Variants in CIROZ observed in about 807,000 individuals in gnomAD.
CIROZ encodes the protein ciliated left-right organizer ZP-N domains-containing protein.
At chr1:10,960,276 C>T in the CIROZ span, among the ~76,000 whole-genome samples, 8 of 152,086 alleles carry the variant, frequency 5.3e-5, no homozygotes, top group African/African-American at 1.4e-4. This position sits in a 1 kb window ranked among gnomAD's most constrained non-coding sequence, Gnocchi z 4.6. Context: ...TGGTGGCAGG[C>T]GCCTGTAGTC....
At chr1:10,963,996 T>C in the CIROZ span, 1 of 1,136,170 alleles carries the variant, frequency 8.8e-7, no homozygotes. Context: ...CCATACTGCA[T>C]CTGCAGCTAC....
chr1:10,964,110 A>T, the CIROZ span: 1 of 1,609,930 alleles, frequency 6.2e-7, no homozygotes. Flanking sequence ...CACCTCCCAG[A>T]CCCCCCGAAC....
chr1:10,966,516 G>C, the CIROZ span: 2 of 1,498,482 alleles, frequency 1.3e-6, no homozygotes, highest in South Asian at 1.3e-5. Flanking sequence ...CGTGGGTTGA[G>C]CCTGTGGAGG....
At chr1:10,966,071 G>A in the CIROZ span, among the ~76,000 whole-genome samples, 1 of 152,176 alleles carries the variant, frequency 6.6e-6, no homozygotes, top group Admixed American at 6.5e-5. Flanking sequence ...GATATGGTGT[G>A]TGAGTGGGCA....
At chr1:10,978,093 C>G in the CIROZ span, among the ~76,000 whole-genome samples, 1 of 150,884 alleles carries the variant, frequency 6.6e-6, no homozygotes, top group African/African-American at 2.4e-5. Context: ...CGCTTGAACC[C>G]GAGAGGCGGA....
At chr1:10,979,214 G>A in the CIROZ span, among the ~76,000 whole-genome samples, 149 of 152,178 alleles carry the variant, frequency 9.8e-4, no homozygotes, top group African/African-American at 3.3e-3. Flanking sequence ...GGCTGGTCTT[G>A]AGCTCCTGGC....
the CIROZ span, among the ~76,000 whole-genome samples, chr1:10,969,144 A>G: frequency 6.6e-6 from 1 of 152,090 alleles, no homozygotes; most frequent in South Asian, 2.1e-4. Context: ...CAGGGTCCCT[A>G]GGAGGTTTTC....
chr1:10,977,250 GAGGCGGGCAGATCACCTGAGAT>G, the CIROZ span, among the ~76,000 whole-genome samples: 134 of 152,196 alleles, frequency 8.8e-4, no homozygotes, highest in African/African-American at 3.2e-3. Flanking sequence ...TTGGGAGGCC[GAGGCGGGCAGATCACCTGAGAT>G]CAGGAGTTCA....
chr1:10,948,908 G>A, the CIROZ span: 24 of 1,412,446 alleles, frequency 1.7e-5, no homozygotes, highest in African/African-American at 2.8e-4. Context: ...GGCTCCGGCT[G>A]CCCTGAGAAT....
At chr1:10,949,575 C>G in the CIROZ span, 1 of 1,559,216 alleles carries the variant, frequency 6.4e-7, no homozygotes, top group Non-Finnish European at 8.7e-7. Flanking sequence ...TCTTGGGGAC[C>G]AGACTCTTTG....
At chr1:10,949,628 G>A in the CIROZ span, 1 of 1,601,466 alleles carries the variant, frequency 6.2e-7, no homozygotes. Context: ...ACGTGCTTTG[G>A]CCAGTGCGTC....
chr1:10,964,156 C>A, the CIROZ span: 1 of 1,614,100 alleles, frequency 6.2e-7, no homozygotes. Context: ...ACAGTGGACG[C>A]TTTCCTGGCC....
chr1:10,960,999 G>GC, the CIROZ span, among the ~76,000 whole-genome samples: 6,163 of 151,906 alleles, frequency 0.041, 176 homozygotes, highest in Non-Finnish European at 0.061. The surrounding 1 kb of genome is among the most constrained non-coding windows in gnomAD (Gnocchi z 4.6). Flanking sequence ...CGGATGCAGA[G>GC]CCCCCCCCAC....
At chr1:10,969,523 CAG>C in the CIROZ span, among the ~76,000 whole-genome samples, 1 of 152,158 alleles carries the variant, frequency 6.6e-6, no homozygotes, top group South Asian at 2.1e-4. Context: ...TCCACTTTTG[CAG>C]AGTGATTTCG....
At chr1:10,962,315 T>A in the CIROZ span, among the ~76,000 whole-genome samples, 2 of 151,904 alleles carry the variant, frequency 1.3e-5, no homozygotes, top group Non-Finnish European at 2.9e-5. Context: ...AGTATGGTAA[T>A]GCATGCCTGT....
the CIROZ span, chr1:10,957,898 G>A: frequency 8.8e-6 from 8 of 911,752 alleles, no homozygotes; most frequent in African/African-American, 1.2e-4. Context: ...AGGACGGCAG[G>A]CCACTCTGGG....
the CIROZ span, among the ~76,000 whole-genome samples, chr1:10,954,526 C>A: frequency 6.6e-6 from 1 of 152,086 alleles, no homozygotes. Context: ...GCATCCCATG[C>A]CCTGTGGCTG....
At chr1:10,950,633 C>A in the CIROZ span, among the ~76,000 whole-genome samples, 20 of 152,282 alleles carry the variant, frequency 1.3e-4, no homozygotes, top group East Asian at 3.5e-3. Context: ...TGGCCTCCGC[C>A]CACCAGATGC....
At chr1:10,969,124 C>T in the CIROZ span, among the ~76,000 whole-genome samples, 4 of 152,106 alleles carry the variant, frequency 2.6e-5, no homozygotes, top group African/African-American at 9.7e-5. Context: ...TTAGGAATTT[C>T]CAGAATGAGC....
Sources: allele counts gnomAD v4.1 joint callset (sites outside exome capture counted in the v4.1 genomes callset), GRCh38; gene constraint gnomAD v4.1.1; non-coding constraint Gnocchi (gnomAD v3.1); transcripts MANE v1.5; gene names NCBI Gene and HGNC (gene_info 2026-07-23, HGNC 2026-07-21).